The following RAPGEF2 variants were observed in gnomAD, a reference collection of about 807,000 sequenced individuals.
The protein encoded by RAPGEF2 is Rap guanine nucleotide exchange factor 2.
RAPGEF2 carries 54 observed loss-of-function variants against 186.7 expected under a neutral mutation model. The ratio of observed to expected loss-of-function variants is 0.29; its 90% CI spans 0.23 to 0.36. The LOEUF (loss-of-function observed/expected upper bound fraction) is 0.36. Ranked by LOEUF, RAPGEF2 falls within the 10% of genes least tolerant of loss-of-function variation. The pLI is 1.00. For missense variants in RAPGEF2, 1,532 were observed against 2,045.0 expected (o/e 0.75, Z 4.84); for synonymous variants, 712 against 705.9 (o/e 1.01, Z -0.14).
chr4:159,163,667 G>A (rs1744957502), intron 1 of RAPGEF2, among the ~76,000 whole-genome samples: 1 of 152,166 alleles, frequency 6.6e-6, no homozygotes, highest in South Asian at 2.1e-4. Context: ...TTTTTGGTAA[G>A]CATAAAAATC....
At chr4:159,216,138 C>A (rs773115852) in intron 4 of RAPGEF2, among the ~76,000 whole-genome samples, 3 of 152,150 alleles carry the variant, frequency 2.0e-5, no homozygotes, top group Non-Finnish European at 4.4e-5. Flanking sequence ...TTGAAACATG[C>A]ATTGACCACA....
rs1257226958 is a variant in RAPGEF2 at position 159,341,561 on chromosome 4, T to C, written c.2535-3T>C. ...GACTCTGATATGTTTCTGTTTTTCATAGGTATTATCTGAAAAACAACATGG... is the reference window on the plus strand; with the variant it reads ...GACTCTGATATGTTTCTGTTTTTCACAGGTATTATCTGAAAAACAACATGG... On this transcript the variant is annotated splice_polypyrimidine_tract_variant and splice_region_variant and intron_variant, in intron 19 of 29. Transcript: ENST00000691494. 6.4e-7 allele frequency: 1 copy of C among 1,572,278 alleles called. No individual in the cohort carries two copies. The highest frequency in any genetic ancestry group is 8.6e-7 in the Non-Finnish European group (1 of 1,163,252).
At chr4:159,192,256 A>T (rs1748201140) in intron 2 of RAPGEF2, among the ~76,000 whole-genome samples, 1 of 152,174 alleles carries the variant, frequency 6.6e-6, no homozygotes, top group Non-Finnish European at 1.5e-5. Flanking sequence ...CCAGGAAGGG[A>T]TTGAGGTTAA....
intron 4 of RAPGEF2, among the ~76,000 whole-genome samples, chr4:159,224,040 G>A (rs1368106131): frequency 2.0e-5 from 3 of 151,758 alleles, no homozygotes; most frequent in South Asian, 2.1e-4. Flanking sequence ...CTGGAATTAC[G>A]GTCATGTGCC....
chr4:159,331,073 GTTC>G (rs1235547807), intron 13 of RAPGEF2, among the ~76,000 whole-genome samples: 4 of 152,126 alleles, frequency 2.6e-5, no homozygotes, highest in Admixed American at 1.3e-4. Context: ...TGTCCAGTCT[GTTC>G]TTCTACCTTG....
chr4:159,348,298 A>T (rs2111307084), intron 25 of RAPGEF2, among the ~76,000 whole-genome samples: 1 of 151,468 alleles, frequency 6.6e-6, no homozygotes, highest in East Asian at 1.9e-4. Flanking sequence ...ATAGATAAAG[A>T]TATAGAGAGA....
intron 1 of RAPGEF2, among the ~76,000 whole-genome samples, chr4:159,175,690 G>C (rs766709271): frequency 2.6e-4 from 40 of 152,140 alleles, no homozygotes; most frequent in Non-Finnish European, 5.0e-4. Flanking sequence ...TGGGTTCTAG[G>C]AAGGACGGTT....
At position 159,283,219 on chromosome 4, in the gene RAPGEF2, G is replaced by A. The variant is rs189155021; in HGVS notation, c.544-21123G>A. ...ATAGTACCTTTGGTTAATGATAAAC[G>A]TCGAATTTTTTTTTCTAATTTTACT... On this transcript the variant is annotated intron_variant, in intron 7 of 29. Transcript: ENST00000691494. 8.3e-3 allele frequency among the ~76,000 whole-genome samples: 1,264 copies of A among 152,096 alleles called. 15 individuals are homozygous for A. The highest frequency in any genetic ancestry group is 0.028 in the African/African-American group (1,177 of 41,454).
intron 8 of RAPGEF2, among the ~76,000 whole-genome samples, chr4:159,313,872 T>A (rs186005740): frequency 1.1e-3 from 173 of 152,196 alleles, no homozygotes; most frequent in African/African-American, 3.8e-3. Context: ...CTAGAAAGGA[T>A]AACTGTTCTA....
At chr4:159,169,826 G>A (rs896352227) in intron 1 of RAPGEF2, among the ~76,000 whole-genome samples, 27 of 152,074 alleles carry the variant, frequency 1.8e-4, no homozygotes, top group Admixed American at 3.9e-4. Context: ...ATTGAGGGAC[G>A]TTTAGGTTGA....
At chr4:159,237,884 G>T (rs1034839473) in intron 4 of RAPGEF2, among the ~76,000 whole-genome samples, 2 of 146,132 alleles carry the variant, frequency 1.4e-5, no homozygotes, top group Non-Finnish European at 3.0e-5. Context: ...CAGGTATGGT[G>T]GTACGCACCT....
intron 3 of RAPGEF2, among the ~76,000 whole-genome samples, chr4:159,201,455 G>A (rs1579448873): frequency 6.6e-6 from 1 of 152,194 alleles, no homozygotes; most frequent in Non-Finnish European, 1.5e-5. Context: ...AAGGGCTCTT[G>A]ACATTGAAAA....
intron 1 of RAPGEF2, among the ~76,000 whole-genome samples, chr4:159,154,223 A>C (rs1743867024): frequency 6.6e-6 from 1 of 152,242 alleles, no homozygotes; most frequent in African/African-American, 2.4e-5. Context: ...TTAGCTAACT[A>C]GAAGGTTGTT....
chr4:159,292,811 G>T (rs1283118858), intron 7 of RAPGEF2, among the ~76,000 whole-genome samples: 1 of 152,054 alleles, frequency 6.6e-6, no homozygotes, highest in Admixed American at 6.6e-5. Context: ...TTTCATCATA[G>T]AATATTTGTG....
intron 17 of RAPGEF2, among the ~76,000 whole-genome samples, chr4:159,335,705 G>A (rs906411612): frequency 6.6e-6 from 1 of 152,048 alleles, no homozygotes; most frequent in Non-Finnish European, 1.5e-5. Flanking sequence ...CATGGTGGCG[G>A]ACGTCTGTAG....
chr4:159,209,398 C>T (rs1430831482), intron 3 of RAPGEF2, among the ~76,000 whole-genome samples: 1 of 152,214 alleles, frequency 6.6e-6, no homozygotes, highest in Admixed American at 6.5e-5. Flanking sequence ...GTCACCCTGA[C>T]CTTGCGAGGC....
intron 7 of RAPGEF2, among the ~76,000 whole-genome samples, chr4:159,255,842 T>C (rs1419508975): frequency 6.6e-6 from 1 of 152,238 alleles, no homozygotes; most frequent in Non-Finnish European, 1.5e-5. Flanking sequence ...TAGTGATATA[T>C]ACTTTTAAAT....
Position 159,238,858 on chromosome 4 carries a change from GT to G in RAPGEF2, c.335del (p.Leu112Ter). The G allele has an allele frequency of 6.6e-7, 1 of 1,520,958 alleles. No individual in the cohort carries two copies. Among genetic ancestry groups the G allele is most frequent in the South Asian group, 1.2e-5 (1 of 80,340 alleles). The allele number at this position is 1,520,958 out of a possible 1,614,324, so 94.2% of individuals were successfully genotyped here. Reference sequence around the variant, plus strand: ...TTTTAGGCGTGGCTGTGAATGCATTGTTTTAGAGCCTTCTGAAATGATTGTG... The same window carrying G: ...TTTTAGGCGTGGCTGTGAATGCATTGTTTAGAGCCTTCTGAAATGATTGTG... ...GSFRRGCECIVLEPSEMIVVD... is the reference protein window; with the variant it reads ...GSFRRGCECIXLEPSEMIVVD... On this transcript the variant is annotated frameshift_variant, in exon 5 of 30. Coordinates refer to ENST00000691494, the MANE Select transcript of RAPGEF2 (RefSeq NM_001394067.2). LOFTEE classifies it high-confidence loss of function.
chr4:159,123,393 C>G lies in RAPGEF2; in HGVS notation c.69+19162C>G, dbSNP rs1169648312. ...TTTGCATATATTCTATAAAAAGGAT[C>G]TTGTTGCCTGCCTTGGTGGTTACAA... On this transcript the variant is annotated intron_variant, in intron 1 of 29. Transcript: ENST00000691494. Among the ~76,000 whole-genome samples the G allele has an allele frequency of 4.6e-5, 7 of 152,212 alleles. No homozygotes were observed. In the South Asian group the frequency reaches 6.2e-4, roughly 14 times the overall value.
Sources: gnomAD v4.1 joint callset for allele counts (sites outside exome capture counted in the v4.1 genomes callset) on GRCh38, gnomAD v4.1.1 for gene constraint, MANE v1.5 for transcripts, NCBI Gene and HGNC (gene_info 2026-07-23, HGNC 2026-07-21) for gene names.